Variants in POFUT4 observed in about 807,000 individuals in gnomAD.
POFUT4 encodes the protein GDP-fucose protein O-fucosyltransferase 4.
chr10:73,775,328 G>T, the POFUT4 span: 1 of 1,148,000 alleles, frequency 8.7e-7, no homozygotes, highest in South Asian at 1.3e-5. Context: ...GTAATTGATT[G>T]GGTAGTCTGT....
At chr10:73,772,761 C>A in the POFUT4 span, 2 of 1,606,386 alleles carry the variant, frequency 1.2e-6, no homozygotes, top group Non-Finnish European at 1.7e-6. Context: ...CAGAGCTGGG[C>A]GCTCCTCCAC....
At chr10:73,778,224 G>C in the POFUT4 span, among the ~76,000 whole-genome samples, 6 of 150,196 alleles carry the variant, frequency 4.0e-5, no homozygotes, top group Non-Finnish European at 8.9e-5. Flanking sequence ...ACAAGTGGCT[G>C]GCTAAATAAA....
At chr10:73,773,315 G>C in the POFUT4 span, 4 of 1,614,002 alleles carry the variant, frequency 2.5e-6, no homozygotes, top group African/African-American at 4.0e-5. Flanking sequence ...AGTTCCACTT[G>C]GCCCTGGAAA....
the POFUT4 span, chr10:73,773,515 A>G: frequency 1.9e-6 from 3 of 1,614,208 alleles, no homozygotes; most frequent in East Asian, 6.7e-5. Context: ...AAGAATGATG[A>G]GGAGTATATG....
the POFUT4 span, chr10:73,773,417 G>A: frequency 6.2e-7 from 1 of 1,614,216 alleles, no homozygotes; most frequent in Non-Finnish European, 8.5e-7. Context: ...CCTCTGTGAG[G>A]GACTGGATGC....
At chr10:73,772,633 C>T in the POFUT4 span, 1 of 1,556,798 alleles carries the variant, frequency 6.4e-7, no homozygotes, top group Non-Finnish European at 8.7e-7. Flanking sequence ...AGTGTGCGCG[C>T]GGCGCGTGCG....
At chr10:73,773,861 T>G in the POFUT4 span, 2 of 1,510,192 alleles carry the variant, frequency 1.3e-6, no homozygotes, top group Non-Finnish European at 1.8e-6. Flanking sequence ...ATTTACTTAC[T>G]TGCTTACTGT....
the POFUT4 span, among the ~76,000 whole-genome samples, chr10:73,777,326 T>C: frequency 6.6e-6 from 1 of 150,418 alleles, no homozygotes; most frequent in African/African-American, 2.4e-5. Flanking sequence ...AAAAAAAAAA[T>C]CCAGGAAAAA....
the POFUT4 span, chr10:73,772,542 A>G: frequency 6.4e-7 from 1 of 1,569,814 alleles, no homozygotes; most frequent in Non-Finnish European, 8.6e-7. Context: ...CCAGGGAGGG[A>G]GGAGGCGGGG....
the POFUT4 span, chr10:73,772,612 G>A: frequency 1.0e-5 from 16 of 1,563,786 alleles, no homozygotes; most frequent in Non-Finnish European, 1.3e-5. Flanking sequence ...CGGGAGACTC[G>A]GAGCGCATCG....
At chr10:73,773,928 C>T in the POFUT4 span, 14 of 1,199,394 alleles carry the variant, frequency 1.2e-5, no homozygotes, top group Non-Finnish European at 1.6e-5. Flanking sequence ...ATCACATGGG[C>T]TCATTCTGTA....
chr10:73,772,398 G>A, the POFUT4 span: 5 of 1,569,982 alleles, frequency 3.2e-6, no homozygotes, highest in Non-Finnish European at 4.3e-6. Context: ...TGTGCAGCCA[G>A]CGGCCATGGG....
At chr10:73,775,298 A>G in the POFUT4 span, 6 of 923,586 alleles carry the variant, frequency 6.5e-6, no homozygotes, top group African/African-American at 3.3e-5. Context: ...TGGGAGCCAG[A>G]AGCAGGCAAG....
the POFUT4 span, among the ~76,000 whole-genome samples, chr10:73,777,153 G>T: frequency 6.6e-6 from 1 of 152,130 alleles, no homozygotes; most frequent in Non-Finnish European, 1.5e-5. Flanking sequence ...TATATGCCTT[G>T]TCAATTTAAT....
At chr10:73,774,496 A>G in the POFUT4 span, 2 of 152,066 alleles carry the variant, frequency 1.3e-5, no homozygotes, top group Non-Finnish European at 1.5e-5. Flanking sequence ...ATAATATAAT[A>G]TATTGACCAG....
the POFUT4 span, chr10:73,772,700 T>A: frequency 6.3e-7 from 1 of 1,579,180 alleles, no homozygotes; most frequent in African/African-American, 1.4e-5. Flanking sequence ...GCTGCTCTTC[T>A]ACGGCACAGA....
chr10:73,773,111 GA>G, the POFUT4 span: 2 of 371,198 alleles, frequency 5.4e-6, no homozygotes, highest in Non-Finnish European at 9.8e-6. Context: ...AGGTGTCCAG[GA>G]CTCCAGGTGT....
At chr10:73,772,713 T>C in the POFUT4 span, 19 of 1,585,112 alleles carry the variant, frequency 1.2e-5, no homozygotes, top group Non-Finnish European at 1.5e-5. Flanking sequence ...GGCACAGACT[T>C]CCGCGCGTCG....
chr10:73,775,408 T>C, the POFUT4 span: 14 of 1,608,110 alleles, frequency 8.7e-6, no homozygotes, highest in Non-Finnish European at 1.2e-5. Context: ...CACTTTGTCT[T>C]CCTTTCACAG....
Sources: gnomAD v4.1 joint callset for allele counts (sites outside exome capture counted in the v4.1 genomes callset) on GRCh38, gnomAD v4.1.1 for gene constraint, MANE v1.5 for transcripts, NCBI Gene and HGNC (gene_info 2026-07-23, HGNC 2026-07-21) for gene names.